The following MDFIC2 variants were observed in gnomAD, a reference collection of about 807,000 sequenced individuals.
The protein encoded by MDFIC2 is MyoD family inhibitor domain containing 2.
chr3:70,198,860 A>G (rs1412175462), intron 3 of MDFIC2, among the ~76,000 whole-genome samples: 4 of 152,306 alleles, frequency 2.6e-5, no homozygotes, highest in Middle Eastern at 6.8e-3. Context: ...ATAAGTCACC[A>G]CAAACCTCCC....
intron 3 of MDFIC2, among the ~76,000 whole-genome samples, chr3:70,200,293 C>T (rs1239631114): frequency 1.3e-5 from 2 of 152,184 alleles, no homozygotes; most frequent in African/African-American, 4.8e-5. Flanking sequence ...TTAAACAACT[C>T]ACTCTCCCCT....
intron 2 of MDFIC2, among the ~76,000 whole-genome samples, chr3:70,212,384 C>T (rs1034462870): frequency 6.6e-6 from 1 of 152,122 alleles, no homozygotes; most frequent in Non-Finnish European, 1.5e-5. Context: ...CTCTGGCTAT[C>T]CCTGGAGAAT....
intron 2 of MDFIC2, among the ~76,000 whole-genome samples, chr3:70,267,029 CATGAAA>C (rs1701922516): frequency 1.3e-5 from 2 of 152,146 alleles, no homozygotes; most frequent in Non-Finnish European, 2.9e-5. Context: ...GCTAAACTCT[CATGAAA>C]TAGCTTCCTT....
intron 2 of MDFIC2, among the ~76,000 whole-genome samples, chr3:70,235,739 A>G (rs1484970558): frequency 6.6e-6 from 1 of 152,236 alleles, no homozygotes; most frequent in Non-Finnish European, 1.5e-5. Flanking sequence ...GGCCATTGAT[A>G]ATTTATTGCT....
intron 2 of MDFIC2, among the ~76,000 whole-genome samples, chr3:70,211,416 TCCCTTTGC>T (rs1701345775): frequency 7.8e-5 from 3 of 38,684 alleles, no homozygotes; most frequent in Non-Finnish European, 2.0e-4. Flanking sequence ...GCCCTTCCCT[TCCCTTTGC>T]CCTTCCCTTC....
In MDFIC2 at chr3:70,194,910, G is replaced by A. The variant is rs977906498; in HGVS notation, c.*2016C>T. Among the ~76,000 whole-genome samples, 1 of 152,144 alleles carries A rather than the reference G, an allele frequency of 6.6e-6. No individual in the cohort carries two copies. Among genetic ancestry groups the A allele is most frequent in the African/African-American group, 2.4e-5 (1 of 41,442 alleles). On this transcript the variant is annotated 3_prime_UTR_variant, in exon 4 of 4. Coordinates refer to ENST00000567252, the MANE Select transcript of MDFIC2 (RefSeq NM_001364677.1). ...TAGAGGGGTGGGTGCTCAGAGAGGA[G>A]CCAAGAGGGATGGGACATAAGGAAG...
intron 2 of MDFIC2, among the ~76,000 whole-genome samples, chr3:70,241,836 G>A (rs1033618916): frequency 2.0e-4 from 30 of 152,314 alleles, no homozygotes; most frequent in Middle Eastern, 3.4e-3. Flanking sequence ...CTCTGATGAA[G>A]TGATTTGCTC....
rs147777399 is a variant in MDFIC2 at position 70,270,397 on chromosome 3, A to T, written c.88+41489T>A. On this transcript the variant is annotated intron_variant, in intron 2 of 3. Coordinates refer to ENST00000567252, the MANE Select transcript of MDFIC2 (RefSeq NM_001364677.1). ...TAAATTTTTTAAAAAGAAAAGAAAA[A>T]CACAGACCAAACACATATAAATACA... Among the ~76,000 whole-genome samples the T allele has an allele frequency of 4.1e-3, 624 of 152,322 alleles. 3 individuals carry two copies. The highest frequency in any genetic ancestry group is 0.014 in the African/African-American group (596 of 41,576).
At chr3:70,197,556 A>G (rs1052222416) in intron 3 of MDFIC2, among the ~76,000 whole-genome samples, 3 of 152,168 alleles carry the variant, frequency 2.0e-5, no homozygotes, top group African/African-American at 7.2e-5. Flanking sequence ...CCCAAATACA[A>G]GGGGCTTAAG....
At chr3:70,298,445 G>A (rs1293543408) in intron 2 of MDFIC2, among the ~76,000 whole-genome samples, 5 of 152,060 alleles carry the variant, frequency 3.3e-5, no homozygotes, top group Non-Finnish European at 5.9e-5. Flanking sequence ...TTAAATTACT[G>A]GATATTATGG....
At chr3:70,295,996 C>T (rs541423914) in intron 2 of MDFIC2, among the ~76,000 whole-genome samples, 2 of 152,116 alleles carry the variant, frequency 1.3e-5, no homozygotes, top group Non-Finnish European at 2.9e-5. Context: ...GCTTTTTGTA[C>T]ATGTATTTAA....
chr3:70,203,194 G>C (rs538007302), intron 3 of MDFIC2, among the ~76,000 whole-genome samples: 5 of 152,192 alleles, frequency 3.3e-5, no homozygotes, highest in African/African-American at 1.2e-4. Context: ...AAAAGAGCCA[G>C]CATGATACCA....
chr3:70,200,710 A>ATC (rs1329168959), intron 3 of MDFIC2, among the ~76,000 whole-genome samples: 1 of 152,186 alleles, frequency 6.6e-6, no homozygotes, highest in Non-Finnish European at 1.5e-5. Context: ...AGAAAGCCAT[A>ATC]TCTCTCTCTC....
At chr3:70,302,064 T>C (rs141819532) in intron 2 of MDFIC2, among the ~76,000 whole-genome samples, 444 of 152,292 alleles carry the variant, frequency 2.9e-3, no homozygotes, top group Non-Finnish European at 4.9e-3. Context: ...TATTTAATAC[T>C]ATACTTCTAT....
intron 2 of MDFIC2, among the ~76,000 whole-genome samples, chr3:70,276,442 T>C (rs901150730): frequency 2.6e-5 from 4 of 152,216 alleles, no homozygotes; most frequent in Admixed American, 2.6e-4. Context: ...TCTTTGCATA[T>C]GCCTCTCATT....
At chr3:70,290,308 A>G (rs1702221961) in intron 2 of MDFIC2, among the ~76,000 whole-genome samples, 1 of 151,580 alleles carries the variant, frequency 6.6e-6, no homozygotes, top group East Asian at 1.9e-4. Context: ...GGTCTGTTGG[A>G]GTACCCTGCA....
chr3:70,299,386 A>G (rs1403078), intron 2 of MDFIC2, among the ~76,000 whole-genome samples: 31,586 of 152,072 alleles, frequency 0.21, 3,480 homozygotes, highest in South Asian at 0.28. Flanking sequence ...TGCATGTGGG[A>G]ATTGAGAATA....
intron 2 of MDFIC2, among the ~76,000 whole-genome samples, chr3:70,215,823 C>G (rs565102652): frequency 6.6e-6 from 1 of 152,208 alleles, no homozygotes; most frequent in Admixed American, 6.5e-5. Context: ...GGTGGCGTGT[C>G]TTGGTTTTCA....
chr3:70,286,995 G>A (rs183470379), intron 2 of MDFIC2, among the ~76,000 whole-genome samples: 87 of 149,502 alleles, frequency 5.8e-4, no homozygotes, highest in African/African-American at 9.2e-4. Context: ...AAATCATGTC[G>A]TCTGCAAACA....
Sources: allele counts gnomAD v4.1 joint callset (sites outside exome capture counted in the v4.1 genomes callset), GRCh38; gene constraint gnomAD v4.1.1; transcripts MANE v1.5; gene names NCBI Gene and HGNC (gene_info 2026-07-23, HGNC 2026-07-21).